Variants in OTUD7A observed in about 807,000 individuals in gnomAD.
The protein encoded by OTUD7A is OTU domain-containing protein 7A.
In OTUD7A, 12 loss-of-function variants were observed where a neutral mutation model predicts 65.7. That is an observed-to-expected ratio of 0.18 (90% CI 0.12 to 0.30). The LOEUF is 0.30. Among genes scored for constraint, OTUD7A ranks in the 10% least tolerant of loss-of-function variants. The probability of loss-of-function intolerance (pLI) is 1.00; values close to 1 mark genes in which losing one functional copy is unlikely to be tolerated. For missense variants in OTUD7A, 1,148 were observed against 1,304.8 expected (o/e 0.88, Z 1.85); for synonymous variants, 641 against 586.3 (o/e 1.09, Z -1.35).
At chr15:31,743,153 T>C (rs1176505466) in intron 1 of OTUD7A, among the ~76,000 whole-genome samples, 2 of 152,042 alleles carry the variant, frequency 1.3e-5, no homozygotes, top group Non-Finnish European at 2.9e-5. Context: ...AATATAATTT[T>C]TTTCAAGTGC....
chr15:31,784,404 G>A (rs868110111), intron 1 of OTUD7A, among the ~76,000 whole-genome samples: 28 of 152,116 alleles, frequency 1.8e-4, no homozygotes, highest in Admixed American at 9.2e-4. Flanking sequence ...AAATCCAGCT[G>A]TCTTCTATTA....
chr15:31,533,113 A>G (rs1887686273), intron 5 of OTUD7A, among the ~76,000 whole-genome samples: 1 of 152,058 alleles, frequency 6.6e-6, no homozygotes, highest in East Asian at 1.9e-4. Context: ...CTAAAAACTA[A>G]AGACAAAGAA....
intron 1 of OTUD7A, among the ~76,000 whole-genome samples, chr15:31,808,727 G>A (rs1387836395): frequency 6.6e-6 from 1 of 152,224 alleles, no homozygotes; most frequent in Non-Finnish European, 1.5e-5. Context: ...ACATCAGTGT[G>A]AGAGTGGACA....
chr15:31,652,621 T>C (rs1051200461), intron 3 of OTUD7A, among the ~76,000 whole-genome samples: 15 of 152,138 alleles, frequency 9.9e-5, no homozygotes, highest in Non-Finnish European at 1.6e-4. Flanking sequence ...TGTAAAGAAC[T>C]CTTAAAACTC....
intron 1 of OTUD7A, among the ~76,000 whole-genome samples, chr15:31,807,854 C>T (rs1487645404): frequency 6.6e-6 from 1 of 151,968 alleles, no homozygotes. Flanking sequence ...AGACTGTTGA[C>T]CTGAACCTTT....
At position 31,487,654 on chromosome 15, in the gene OTUD7A, G is replaced by A. The variant is rs1332425741; in HGVS notation, c.1172-88C>T. ...AAATTCCCAAGCCAGGTATCTGGGTGACAAATGCACCGAGTGGACATCTAC... is the reference window on the plus strand; with the variant it reads ...AAATTCCCAAGCCAGGTATCTGGGTAACAAATGCACCGAGTGGACATCTAC... On this transcript the variant is annotated intron_variant, in intron 10 of 12. Coordinates refer to ENST00000307050, the MANE Select transcript of OTUD7A (RefSeq NM_001382637.1). The surrounding 1 kb of genome is among the most constrained non-coding windows in gnomAD (Gnocchi z 6.0). 9 of 1,000,968 alleles carry A rather than the reference G, an allele frequency of 9.0e-6. No homozygotes were observed. Among genetic ancestry groups the A allele is most frequent in the Non-Finnish European group, 1.3e-5 (9 of 683,888 alleles). The allele number at this position is 1,000,968 out of a possible 1,614,324, so 62.0% of individuals were successfully genotyped here.
chr15:31,632,968 T>A (rs1566953026), intron 3 of OTUD7A, among the ~76,000 whole-genome samples: 1 of 152,232 alleles, frequency 6.6e-6, no homozygotes, highest in Non-Finnish European at 1.5e-5. Flanking sequence ...TTAAGCCCGT[T>A]GGAAAAGCAC....
intron 1 of OTUD7A, among the ~76,000 whole-genome samples, chr15:31,832,883 A>G (rs976430394): frequency 5.3e-5 from 8 of 152,142 alleles, no homozygotes; most frequent in African/African-American, 1.9e-4. Context: ...CCTTTTTGCT[A>G]CTGCTGCTAT....
chr15:31,781,906 A>G (rs1444876592), intron 1 of OTUD7A, among the ~76,000 whole-genome samples: 1 of 152,244 alleles, frequency 6.6e-6, no homozygotes, highest in African/African-American at 2.4e-5. Flanking sequence ...TGGGAGACTG[A>G]GTATTAGATT....
chr15:31,695,156 T>C (rs1162830935), intron 1 of OTUD7A, among the ~76,000 whole-genome samples: 1 of 152,090 alleles, frequency 6.6e-6, no homozygotes, highest in East Asian at 1.9e-4. Context: ...GTTTTACATT[T>C]TCTTTATCCA....
intron 3 of OTUD7A, among the ~76,000 whole-genome samples, chr15:31,647,521 T>C (rs1360175183): frequency 6.6e-6 from 1 of 152,242 alleles, no homozygotes; most frequent in Non-Finnish European, 1.5e-5. Flanking sequence ...CGTGGCTTGC[T>C]TTCTCACTTC....
At chr15:31,541,212 A>G (rs1477392506) in intron 5 of OTUD7A, among the ~76,000 whole-genome samples, 1 of 152,208 alleles carries the variant, frequency 6.6e-6, no homozygotes, top group African/African-American at 2.4e-5. Flanking sequence ...AAAGATTTAA[A>G]GAAAAAAGTT....
chr15:31,643,153 A>AT (rs1566957307), intron 3 of OTUD7A, among the ~76,000 whole-genome samples: 1 of 151,838 alleles, frequency 6.6e-6, no homozygotes, highest in South Asian at 2.1e-4. Context: ...ATTTTTAATT[A>AT]TTTTTTCTTT....
At chr15:31,767,168 G>C in intron 1 of OTUD7A, 1 of 1,262,554 alleles carries the variant, frequency 7.9e-7, no homozygotes, top group Non-Finnish European at 1.1e-6. Flanking sequence ...CAGTTGATTT[G>C]AAGGAACTCA....
At chr15:31,569,983 G>C in intron 4 of OTUD7A, 35 bp downstream of exon 4, 1 of 1,609,340 alleles carries the variant, frequency 6.2e-7, no homozygotes. Context: ...CACTGGCCTG[G>C]GCGGCTGTGC....
chr15:31,720,671 A>AT (rs1288280991), intron 1 of OTUD7A, among the ~76,000 whole-genome samples: 2 of 152,192 alleles, frequency 1.3e-5, no homozygotes, highest in Non-Finnish European at 2.9e-5. Flanking sequence ...AAATGCTGGG[A>AT]TTACAGGCGT....
At position 31,482,839 on chromosome 15, in the gene OTUD7A, G is replaced by A. The variant is rs563950353; in HGVS notation, c.*455C>T. ...ACAGAGGAGCCTCCACCGCAGCCCC[G>A]GGTGCGCGCTCGCTCTAAGCCCTGG... On this transcript the variant is annotated 3_prime_UTR_variant, in exon 13 of 13. Transcript: ENST00000307050. 1.3e-5 allele frequency: 2 copies of A among 152,144 alleles called. No homozygotes were observed. The highest frequency in any genetic ancestry group is 6.5e-5 in the Admixed American group (1 of 15,290). The allele number at this position is 152,144 out of a possible 1,614,324, so 9.4% of individuals were successfully genotyped here.
intron 3 of OTUD7A, among the ~76,000 whole-genome samples, chr15:31,639,208 C>T (rs1891439203): frequency 2.0e-5 from 3 of 152,092 alleles, no homozygotes; most frequent in South Asian, 4.1e-4. Flanking sequence ...TGCATTCCAT[C>T]GCTATAGATC....
chr15:31,504,134 G>C lies in OTUD7A; in HGVS notation c.894-316C>G, dbSNP rs533048040. Reference sequence around the variant, plus strand: ...CAGCCCACCAGAGCCTGTGGTAGCAGGGCTATTGGCTTTCTGGGGGTGTTT... The same window carrying C: ...CAGCCCACCAGAGCCTGTGGTAGCACGGCTATTGGCTTTCTGGGGGTGTTT... On this transcript the variant is annotated intron_variant, in intron 8 of 12. Transcript: ENST00000307050. Among the ~76,000 whole-genome samples the C allele has an allele frequency of 5.3e-4, 80 of 152,310 alleles. 1 individual carries two copies. The highest frequency in any genetic ancestry group is 1.8e-3 in the African/African-American group (74 of 41,574).
Sources: gnomAD v4.1 joint callset for allele counts (sites outside exome capture counted in the v4.1 genomes callset) on GRCh38, gnomAD v4.1.1 for gene constraint, Gnocchi (gnomAD v3.1) non-coding constraint, MANE v1.5 for transcripts, NCBI Gene and HGNC (gene_info 2026-07-23, HGNC 2026-07-21) for gene names.